The following SIPA1 variants were observed in gnomAD, a reference collection of about 807,000 sequenced individuals.
The protein encoded by SIPA1 is signal-induced proliferation-associated protein 1.
SIPA1 carries 51 observed loss-of-function variants against 88.1 expected under a neutral mutation model. That is an observed-to-expected ratio of 0.58 (90% CI 0.46 to 0.73). The LOEUF (loss-of-function observed/expected upper bound fraction) is 0.73. SIPA1 is among the 30% of genes least tolerant of loss of function. The pLI is 0.00. For synonymous variants in SIPA1, 681 were observed against 664.8 expected (o/e 1.02, Z -0.37); for missense variants, 1,348 against 1,467.6 (o/e 0.92, Z 1.33).
chr11:65,640,752 G>A (rs1590916947), intron 1 of SIPA1, 79 bp from the exon 2 acceptor site: 7 of 546,096 alleles, frequency 1.3e-5, no homozygotes, highest in Admixed American at 3.9e-5. Flanking sequence ...AAGCCAACAC[G>A]GGTGGTGGAG....
chr11:65,647,312 A>AAG (rs2135525410), intron 8 of SIPA1, 72 bp from the exon 9 acceptor site: 1 of 1,367,562 alleles, frequency 7.3e-7, no homozygotes, highest in African/African-American at 1.5e-5. Flanking sequence ...CCTGGGACGC[A>AAG]GTCCAGGGGG....
In SIPA1 at chr11:65,650,488, TG is replaced by T. The variant is rs1565184533; in HGVS notation, c.2982+12del. On this transcript the variant is annotated intron_variant, in intron 15 of 15. Coordinates refer to ENST00000534313, the MANE Select transcript of SIPA1 (RefSeq NM_006747.4). ...AGGAGGACCTGCAGAAGGTGAGGGG[TG>T]GGCTGAGCTTGGGGGGAGTCACAGG... 6.2e-7 allele frequency: 1 copy of T among 1,613,758 alleles called. No individual in the cohort carries two copies. The highest frequency in any genetic ancestry group is 8.5e-7 in the Non-Finnish European group (1 of 1,179,872).
rs1184290912 is a variant in SIPA1, at chr11:65,644,393, G to C, written c.985-562G>C. ...CACATCTGGGGACCATATGGGGAGT[G>C]GGGGGTGCAGGGGGTTGGGAGGAAT... is the stretch of plus-strand genomic sequence containing the variant. On this transcript the variant is annotated intron_variant, in intron 4 of 15. Transcript: ENST00000534313. Among the ~76,000 whole-genome samples, 12 of 151,962 alleles carry C rather than the reference G, an allele frequency of 7.9e-5. No individual in the cohort carries two copies. In the South Asian group the frequency reaches 2.3e-3, roughly 29 times the overall value.
intron 4 of SIPA1, 25 bp from the exon 5 acceptor site, chr11:65,644,930 T>C (rs1381692319): frequency 3.7e-6 from 6 of 1,602,268 alleles, no homozygotes; most frequent in Non-Finnish European, 5.1e-6. Context: ...GACTGAGACC[T>C]ATGCCTTCTG....
At position 65,646,379 on chromosome 11, in the gene SIPA1, G is replaced by T. The variant is rs761872106; in HGVS notation, c.1421+1G>T. The T allele has an allele frequency of 1.2e-6, 2 of 1,609,558 alleles. No homozygotes were observed. The highest frequency in any genetic ancestry group is 1.7e-6 in the Non-Finnish European group (2 of 1,179,882). ...CCTGCACGCCACACACCACCTACAGGTGGGCACCGGAGTGGTCCCAGGTCT... is the reference window on the plus strand; with the variant it reads ...CCTGCACGCCACACACCACCTACAGTTGGGCACCGGAGTGGTCCCAGGTCT... On this transcript the variant is annotated splice_donor_variant, in intron 7 of 15. Transcript: ENST00000534313. LOFTEE classifies it high-confidence loss of function. The surrounding 1 kb of genome is among the most constrained non-coding windows in gnomAD (Gnocchi z 7.5).
chr11:65,644,931 A>C (rs1313486049), intron 4 of SIPA1, 24 bp from the exon 5 acceptor site: 16 of 1,602,822 alleles, frequency 1.0e-5, no homozygotes, highest in African/African-American at 1.3e-5. Flanking sequence ...ACTGAGACCT[A>C]TGCCTTCTGT....
Position 65,642,177 on chromosome 11 carries a change from G to A in SIPA1, c.680-73G>A, listed in dbSNP as rs1856017325. ...GATGAAGCCTAGGGCGGGGCTTAGT[G>A]ATGCGCGTGGTCGAGCGGGGGCGGG... On this transcript the variant is annotated intron_variant, in intron 2 of 15. Transcript: ENST00000534313. This position sits in a 1 kb window ranked among gnomAD's most constrained non-coding sequence, Gnocchi z 6.5. 1.3e-6 allele frequency: 2 copies of A among 1,527,534 alleles called. No homozygotes were observed. Among genetic ancestry groups the A allele is most frequent in the South Asian group, 2.4e-5 (2 of 81,648 alleles). 94.6% of individuals were successfully genotyped at this position (1,527,534 alleles called of 1,614,324 possible).
rs1402048315 is a variant in SIPA1 at position 65,650,745 on chromosome 11, G to A, written c.*30G>A. 6.5e-7 allele frequency: 1 copy of A among 1,529,040 alleles called. No individual in the cohort carries two copies. The highest frequency in any genetic ancestry group is 1.2e-5 in the South Asian group (1 of 81,910). The allele number at this position is 1,529,040 out of a possible 1,614,324, so 94.7% of individuals were successfully genotyped here. A position where few individuals can be genotyped will look rare whatever the true frequency, so the allele number is the denominator to read the frequency against. ...TCTGGAACCACCTGGGCCCCTGAGGGCACTGTGGTCACACTGGGCCCTCCT... is the reference window on the plus strand; with the variant it reads ...TCTGGAACCACCTGGGCCCCTGAGGACACTGTGGTCACACTGGGCCCTCCT... On this transcript the variant is annotated 3_prime_UTR_variant, in exon 16 of 16. Coordinates refer to ENST00000534313, the MANE Select transcript of SIPA1 (RefSeq NM_006747.4).
chr11:65,642,362 C>T lies in SIPA1; in HGVS notation c.792C>T (p.Ile264=). The T allele has an allele frequency of 6.3e-7, 1 of 1,574,982 alleles. No individual in the cohort carries two copies. ...GGGTLHSYRV[I]VRTTQLRTLR... is the part of the protein sequence containing the mutation. ...GCACCCTGCACAGCTACCGCGTCATCGTGCGGACCACGCAGGTGGGCCGGG... is the reference window on the plus strand; with the variant it reads ...GCACCCTGCACAGCTACCGCGTCATTGTGCGGACCACGCAGGTGGGCCGGG... The change falls in exon 3 of 16, where the codon ATC becomes ATT. Residue 264 remains isoleucine (I), a synonymous_variant. Coordinates refer to ENST00000534313, the MANE Select transcript of SIPA1 (RefSeq NM_006747.4). This position sits in a 1 kb window ranked among gnomAD's most constrained non-coding sequence, Gnocchi z 6.5.
rs1856086485 is a variant in SIPA1, at chr11:65,645,221, G to A, written c.1159+92G>A. On this transcript the variant is annotated intron_variant, in intron 5 of 15. Transcript: ENST00000534313. Reference sequence around the variant, plus strand: ...TCACTCCTTTGTCCGTACAATCCTGGGGCTGGGGACTGGAGAGTTCTTTGG... The same window carrying A: ...TCACTCCTTTGTCCGTACAATCCTGAGGCTGGGGACTGGAGAGTTCTTTGG... The A allele has an allele frequency of 5.3e-6, 7 of 1,322,438 alleles. No homozygotes were observed. In the African/African-American group the frequency reaches 5.8e-5, roughly 11 times the overall value. 81.9% of individuals were successfully genotyped at this position (1,322,438 alleles called of 1,614,324 possible).
rs750849770 is a variant in SIPA1, at chr11:65,650,700, C to T, written c.3114C>T (p.Thr1038=). 8.7e-5 allele frequency: 137 copies of T among 1,579,920 alleles called. No homozygotes were observed. The highest frequency in any genetic ancestry group is 1.1e-4 in the Non-Finnish European group (124 of 1,163,076). ...CCTCCAAGCAGCTGGGCTCACCCAC[C>T]GCCGACCTGGCCTGAGCCGTCTGGA... ...LLASKQLGSP[T]ADLA The change falls in exon 16 of 16, where the codon ACC becomes ACT. Residue 1038 remains threonine (T), a synonymous_variant. Transcript: ENST00000534313.
At position 65,646,344 on chromosome 11, in the gene SIPA1, GCA is replaced by G; in HGVS notation, c.1395_1396del (p.Pro466LeufsTer49). On this transcript the variant is annotated frameshift_variant, in exon 7 of 16. Transcript: ENST00000534313. LOFTEE classifies it high-confidence loss of function. This position sits in a 1 kb window ranked among gnomAD's most constrained non-coding sequence, Gnocchi z 7.5. ...CCAGCACGTGTTCCTAGTGGTGCGG[GCA>G]CACACACCCTGCACGCCACACACCA... is the stretch of plus-strand genomic sequence containing the variant. The part of the protein sequence containing the change: ...HFQHVFLVVR[A>X]HTPCTPHTTY... 1 of 1,613,212 alleles carries G rather than the reference GCA, an allele frequency of 6.2e-7. No individual in the cohort carries two copies.
intron 4 of SIPA1, among the ~76,000 whole-genome samples, chr11:65,643,513 T>G (rs1196489763): frequency 6.6e-6 from 1 of 152,320 alleles, no homozygotes; most frequent in Non-Finnish European, 1.5e-5. Context: ...GGGACAGGTC[T>G]AGACCAGGTG....
rs766728627 is a variant in SIPA1 at position 65,647,581 on chromosome 11, C to T, written c.2229C>T (p.Ala743=). 22 of 1,362,736 alleles carry T rather than the reference C, an allele frequency of 1.6e-5. No individual in the cohort carries two copies. Among genetic ancestry groups the T allele is most frequent in the Non-Finnish European group, 1.9e-5 (20 of 1,060,312 alleles). 84.4% of individuals were successfully genotyped at this position (1,362,736 alleles called of 1,614,324 possible). A position where few individuals can be genotyped will look rare whatever the true frequency, so the allele number is the denominator to read the frequency against. ...GQTLPSLRPE[A]AAQLLRSAPK... is the part of the protein sequence containing the mutation. Reference sequence around the variant, plus strand: ...CTCTGCCCAGCCTCCGGCCCGAGGCCGCTGCCCAGCTCCTGCGCTCGGCGC... The same window carrying T: ...CTCTGCCCAGCCTCCGGCCCGAGGCTGCTGCCCAGCTCCTGCGCTCGGCGC... Residue 743 remains alanine (A), a synonymous_variant, in exon 9 of 16, where the codon GCC becomes GCT. Coordinates refer to ENST00000534313, the MANE Select transcript of SIPA1 (RefSeq NM_006747.4).
rs1279054766 is a variant in SIPA1 at position 65,649,868 on chromosome 11, G to A, written c.2746+3G>A. 1.9e-6 allele frequency: 3 copies of A among 1,613,852 alleles called. No homozygotes were observed. Among genetic ancestry groups the A allele is most frequent in the Non-Finnish European group, 2.5e-6 (3 of 1,179,928 alleles). The stretch of plus-strand genomic sequence containing the variant: ...TCTGCGGAACTCCATCAGCAGGAGT[G>A]AGTCTGGACCCAGGAGAGCAGGGGA... On this transcript the variant is annotated splice_donor_region_variant and intron_variant, in intron 12 of 15. Coordinates refer to ENST00000534313, the MANE Select transcript of SIPA1 (RefSeq NM_006747.4).
Position 65,641,415 on chromosome 11 carries a change from T to A in SIPA1, c.494T>A (p.Phe165Tyr). 1 of 1,613,082 alleles carries A rather than the reference T, an allele frequency of 6.2e-7. No homozygotes were observed. The highest frequency in any genetic ancestry group is 8.5e-7 in the Non-Finnish European group (1 of 1,180,004). The stretch of plus-strand genomic sequence containing the variant: ...GACCTGCTGCATGGGGCACCTGGCT[T>A]TGTGTGTGAGCTCGGGGGTGAGGGT... ...SSDLLHGAPG[F>Y]VCELGGEGEL... Residue 165 changes from phenylalanine (F) to tyrosine (Y), a missense_variant, in exon 2 of 16, where the codon TTT (phenylalanine) becomes TAT (tyrosine). By Grantham distance (22) the Phe-to-Tyr change is conservative (BLOSUM62 3). This residue lies in a region of SIPA1 where 641 missense variants were observed against 797.7 expected (regional missense o/e 0.80). Transcript: ENST00000534313.
intron 4 of SIPA1, among the ~76,000 whole-genome samples, chr11:65,643,396 G>A (rs1482155588): frequency 6.6e-6 from 1 of 152,198 alleles, no homozygotes; most frequent in Non-Finnish European, 1.5e-5. Flanking sequence ...ACTCCATGCT[G>A]AAAGCTGCCC....
intron 9 of SIPA1, among the ~76,000 whole-genome samples, chr11:65,648,080 C>T (rs1856172320): frequency 6.6e-6 from 1 of 152,038 alleles, no homozygotes. Flanking sequence ...ACCAAGTTGG[C>T]CAGGCTGGTC....
rs781596920 is a variant in SIPA1 at position 65,644,972 on chromosome 11, G to A, written c.1002G>A (p.Lys334=). ...LDEQVLSFQR[K]VGILYCRAGQ... ...ACCCACAGCTGAGCTTCCAACGCAA[G>A]GTGGGCATCCTGTACTGCCGGGCGG... Residue 334 remains lysine (K), a synonymous_variant, in exon 5 of 16, where the codon AAG becomes AAA. Transcript: ENST00000534313. The A allele has an allele frequency of 1.9e-6, 3 of 1,613,420 alleles. No individual in the cohort carries two copies. Among genetic ancestry groups the A allele is most frequent in the Non-Finnish European group, 2.5e-6 (3 of 1,179,524 alleles).
Sources: gnomAD v4.1 joint callset for allele counts (sites outside exome capture counted in the v4.1 genomes callset) on GRCh38, gnomAD v4.1.1 for gene constraint, gnomAD v4.1.1 regional missense constraint, Gnocchi (gnomAD v3.1) non-coding constraint, MANE v1.5 for transcripts, NCBI Gene and HGNC (gene_info 2026-07-23, HGNC 2026-07-21) for gene names.